PITPNM2: variants seen among roughly 807,000 people sequenced by gnomAD.
PITPNM2 encodes the protein phosphatidylinositol transfer protein membrane associated 2.
PITPNM2 carries 35 observed loss-of-function variants against 132.2 expected under a neutral mutation model. That is an observed-to-expected ratio of 0.26 (90% CI 0.20 to 0.35). The LOEUF is 0.35. PITPNM2 is among the 10% of genes least tolerant of loss of function. The pLI is 1.00. For synonymous variants in PITPNM2, 738 were observed against 799.2 expected, an observed-to-expected ratio of 0.92 and a Z score of 1.29; for missense variants, 1,332 against 1,912.0, an observed-to-expected ratio of 0.70 and a Z score of 5.66.
chr12:123,065,985 C>T (rs1430367834), intron 2 of PITPNM2, among the ~76,000 whole-genome samples: 1 of 152,188 alleles, frequency 6.6e-6, no homozygotes, highest in East Asian at 1.9e-4. Context: ...AGAGACTCAC[C>T]CAAGGTCTGC....
intron 2 of PITPNM2, among the ~76,000 whole-genome samples, chr12:123,098,747 T>G (rs2137199672): frequency 6.6e-6 from 1 of 151,386 alleles, no homozygotes; most frequent in East Asian, 1.9e-4. Flanking sequence ...GGCGAGTGAG[T>G]CCCCCGAATC....
At chr12:122,988,607 CTCTGTGA>C in intron 19 of PITPNM2, 110 bp downstream of exon 19, 2 of 1,147,294 alleles carry the variant, frequency 1.7e-6, no homozygotes, top group African/African-American at 3.1e-5. Context: ...ATCTTGCTTG[CTCTGTGA>C]TCTGATGGGG....
intron 18 of PITPNM2, among the ~76,000 whole-genome samples, chr12:122,989,145 C>T (rs1045996698): frequency 1.3e-5 from 2 of 152,312 alleles, no homozygotes; most frequent in South Asian, 2.1e-4. Context: ...ATGGTACCAG[C>T]TGTCTGTGGT....
At chr12:123,073,836 A>G (rs987782791) in intron 2 of PITPNM2, among the ~76,000 whole-genome samples, 10 of 152,182 alleles carry the variant, frequency 6.6e-5, no homozygotes, top group Admixed American at 5.9e-4. Context: ...GCTCATCCCC[A>G]GGCTGCCTGC....
chr12:123,038,224 T>C (rs1159604935), intron 2 of PITPNM2, among the ~76,000 whole-genome samples: 2 of 152,222 alleles, frequency 1.3e-5, no homozygotes, highest in Admixed American at 6.5e-5. Flanking sequence ...AGTAGGTACA[T>C]ACATGGATAG....
rs1046908409 is a variant in PITPNM2 at position 122,993,904 on chromosome 12, G to T, written c.2233+897C>A. The stretch of plus-strand genomic sequence containing the variant: ...TTCTTTTTTTTTGAGACTGAGTTTC[G>T]CTTTTGTTGCCCAGGCTGGAGTGCA... On this transcript the variant is annotated intron_variant, in intron 15 of 25. Transcript: ENST00000320201. The surrounding 1 kb of genome is among the most constrained non-coding windows in gnomAD (Gnocchi z 5.2). Among the ~76,000 whole-genome samples the T allele has an allele frequency of 2.0e-5, 3 of 151,208 alleles. No homozygotes were observed. Among genetic ancestry groups the T allele is most frequent in the Admixed American group, 1.3e-4 (2 of 15,170 alleles).
rs868338768 is a variant in PITPNM2 at position 123,073,531 on chromosome 12, T to G, written c.-96+36854A>C. Reference sequence around the variant, plus strand: ...GACAGTGTTATCTCTATGTTACAGATGAAGAAACTGAGGCACATATCTCCT... The same window carrying G: ...GACAGTGTTATCTCTATGTTACAGAGGAAGAAACTGAGGCACATATCTCCT... On this transcript the variant is annotated intron_variant, in intron 2 of 25. Coordinates refer to ENST00000320201, the MANE Select transcript of PITPNM2 (RefSeq NM_020845.3). Among the ~76,000 whole-genome samples, 4 of 152,334 alleles carry G rather than the reference T, an allele frequency of 2.6e-5. No individual in the cohort carries two copies. The South Asian group carries it at 6.2e-4, about 24-fold the overall frequency.
At chr12:123,012,013 T>C (rs1592941491) in intron 5 of PITPNM2, among the ~76,000 whole-genome samples, 1 of 152,222 alleles carries the variant, frequency 6.6e-6, no homozygotes, top group South Asian at 2.1e-4. Flanking sequence ...CACAGTGACT[T>C]GGGCCTTGTA....
intron 3 of PITPNM2, among the ~76,000 whole-genome samples, chr12:123,029,846 TG>T: frequency 6.6e-6 from 1 of 151,968 alleles, no homozygotes; most frequent in African/African-American, 2.4e-5. Context: ...TGTGTGTGTG[TG>T]TGTGTGTGTG....
chr12:123,139,900 C>G (rs1034844475), intron 1 of PITPNM2, among the ~76,000 whole-genome samples: 1 of 152,172 alleles, frequency 6.6e-6, no homozygotes, highest in Non-Finnish European at 1.5e-5. Context: ...CACAGACCAC[C>G]TCCCCCAAGT....
chr12:123,044,511 C>T (rs1030834596), intron 2 of PITPNM2, among the ~76,000 whole-genome samples: 8 of 152,240 alleles, frequency 5.3e-5, no homozygotes, highest in African/African-American at 1.9e-4. Flanking sequence ...TTTCCGGAAC[C>T]ATCCAAGACA....
Position 122,990,609 on chromosome 12 carries a change from C to T in PITPNM2, c.2505G>A (p.Glu835=). The change falls in exon 17 of 26, where the codon GAG becomes GAA. Residue 835 remains glutamate (E), a synonymous_variant. Coordinates refer to ENST00000320201, the MANE Select transcript of PITPNM2 (RefSeq NM_020845.3). ...PASRGFRRAS[E]ISIASQVSGM... is the part of the protein sequence containing the mutation. ...CTGACACCTGGCTGGCGATGCTGAT[C>T]TCACTGGCTCGGCGGAAGCCACGAC... The T allele has an allele frequency of 1.9e-6, 3 of 1,612,516 alleles. No individual in the cohort carries two copies. The highest frequency in any genetic ancestry group is 2.5e-6 in the Non-Finnish European group (3 of 1,179,986).
intron 1 of PITPNM2, among the ~76,000 whole-genome samples, chr12:123,118,543 CTTCCCAATA>C: frequency 6.6e-6 from 1 of 152,338 alleles, no homozygotes; most frequent in South Asian, 2.1e-4. Context: ...TCACAAAGCT[CTTCCCAATA>C]GTGGAAAACA....
chr12:122,993,346 G>A lies in PITPNM2; in HGVS notation c.2234-677C>T, dbSNP rs2038282667. ...TCCCCTTCTGTCAAATGGGGCAGCAGTTCCAACCACGTCATGGAGTTAAGG... is the reference window on the plus strand; with the variant it reads ...TCCCCTTCTGTCAAATGGGGCAGCAATTCCAACCACGTCATGGAGTTAAGG... On this transcript the variant is annotated intron_variant, in intron 15 of 25. Transcript: ENST00000320201. The surrounding 1 kb of genome is among the most constrained non-coding windows in gnomAD (Gnocchi z 5.2). 6.6e-6 allele frequency among the ~76,000 whole-genome samples: 1 copy of A among 152,194 alleles called. No individual in the cohort carries two copies. Among genetic ancestry groups the A allele is most frequent in the Non-Finnish European group, 1.5e-5 (1 of 68,042 alleles).
At chr12:123,032,325 A>C (rs1453419482) in intron 3 of PITPNM2, among the ~76,000 whole-genome samples, 1 of 152,080 alleles carries the variant, frequency 6.6e-6, no homozygotes, top group Non-Finnish European at 1.5e-5. Context: ...AAAAATACGA[A>C]AATTAGTTGG....
rs541709300 is a variant in PITPNM2 at position 123,009,562 on chromosome 12, C to T, written c.643+288G>A. 1.3e-5 allele frequency among the ~76,000 whole-genome samples: 2 copies of T among 152,310 alleles called. No individual in the cohort carries two copies. The highest frequency in any genetic ancestry group is 4.8e-5 in the African/African-American group (2 of 41,576). On this transcript the variant is annotated intron_variant, in intron 6 of 25. Transcript: ENST00000320201. The surrounding 1 kb of genome is among the most constrained non-coding windows in gnomAD (Gnocchi z 4.8). Reference sequence around the variant, plus strand: ...AGTGTGGGCTACTCTTTATCAAATGCGAACTAGGTCAGGAATGTCTGGGGG... The same window carrying T: ...AGTGTGGGCTACTCTTTATCAAATGTGAACTAGGTCAGGAATGTCTGGGGG...
At chr12:122,997,270 T>C in intron 11 of PITPNM2, 55 bp downstream of exon 11, 8 of 1,598,294 alleles carry the variant, frequency 5.0e-6, no homozygotes, top group Non-Finnish European at 6.8e-6. Flanking sequence ...GGCCCAGGGG[T>C]AGGAGGAGGA....
At chr12:123,085,665 A>C (rs2042091448) in intron 2 of PITPNM2, among the ~76,000 whole-genome samples, 1 of 152,236 alleles carries the variant, frequency 6.6e-6, no homozygotes, top group Non-Finnish European at 1.5e-5. Flanking sequence ...AGAAAATTTT[A>C]TGTTATGTAT....
chr12:123,030,073 C>T (rs1270926052), intron 3 of PITPNM2, among the ~76,000 whole-genome samples: 2 of 151,378 alleles, frequency 1.3e-5, no homozygotes, highest in East Asian at 1.9e-4. Flanking sequence ...AAAGAAATCA[C>T]TCATGCTGCC....
Sources: gnomAD v4.1 joint callset for allele counts (sites outside exome capture counted in the v4.1 genomes callset) on GRCh38, gnomAD v4.1.1 for gene constraint, Gnocchi (gnomAD v3.1) non-coding constraint, MANE v1.5 for transcripts, NCBI Gene and HGNC (gene_info 2026-07-23, HGNC 2026-07-21) for gene names.